TMEM63C: variants seen among roughly 807,000 people sequenced by gnomAD.
TMEM63C encodes transmembrane protein 63C, also known as osmosensitive cation channel TMEM63C.
TMEM63C carries 32 observed loss-of-function variants against 99.2 expected under a neutral mutation model. That is an observed-to-expected ratio of 0.32 (90% CI 0.24 to 0.43). The LOEUF (loss-of-function observed/expected upper bound fraction) is 0.43. Ranked by LOEUF, TMEM63C falls within the 20% of genes least tolerant of loss-of-function variation. TMEM63C has a pLI of 1.00. For synonymous variants in TMEM63C, 376 were observed against 397.9 expected, an observed-to-expected ratio of 0.94 and a Z score of 0.66; for missense variants, 826 against 1,053.0, an observed-to-expected ratio of 0.78 and a Z score of 2.98.
At chr14:77,208,976 C>T (rs1394526543) in intron 1 of TMEM63C, among the ~76,000 whole-genome samples, 1 of 151,590 alleles carries the variant, frequency 6.6e-6, no homozygotes, top group Non-Finnish European at 1.5e-5. Flanking sequence ...GAACTGCAAT[C>T]CTCTCACCCC....
At chr14:77,190,742 C>G (rs974478129) in intron 1 of TMEM63C, among the ~76,000 whole-genome samples, 1 of 152,256 alleles carries the variant, frequency 6.6e-6, no homozygotes, top group Middle Eastern at 3.4e-3. Context: ...GATTTTAACT[C>G]TTACTTCATA....
intron 5 of TMEM63C, among the ~76,000 whole-genome samples, chr14:77,224,499 G>A (rs1594859830): frequency 6.6e-6 from 1 of 152,260 alleles, no homozygotes; most frequent in East Asian, 2.0e-4. Flanking sequence ...GATCCCAGAA[G>A]GAAGCAGGCA....
intron 23 of TMEM63C, among the ~76,000 whole-genome samples, chr14:77,254,945 A>G (rs944534657): frequency 2.0e-5 from 3 of 152,206 alleles, no homozygotes; most frequent in Non-Finnish European, 1.5e-5. Flanking sequence ...TATGATTTAC[A>G]TAGTTTTGCT....
At chr14:77,236,228 G>A (rs1207186504) in intron 8 of TMEM63C, among the ~76,000 whole-genome samples, 1 of 30,290 alleles carries the variant, frequency 3.3e-5, no homozygotes, top group Admixed American at 2.7e-4. Context: ...ACTGTGATGG[G>A]TGGGGGTATG....
chr14:77,198,694 G>A (rs1888248981), intron 1 of TMEM63C, among the ~76,000 whole-genome samples: 1 of 152,216 alleles, frequency 6.6e-6, no homozygotes, highest in Admixed American at 6.5e-5. Context: ...CAGGAAAATA[G>A]TGGTGGTTTT....
intron 1 of TMEM63C, among the ~76,000 whole-genome samples, chr14:77,208,287 A>AACCCCAGCTGCAAG (rs1594853772): frequency 6.6e-6 from 1 of 152,210 alleles, no homozygotes; most frequent in Non-Finnish European, 1.5e-5. Flanking sequence ...TCACCCAGTC[A>AACCCCAGCTGCAAG]GGAGGGCCAT....
At chr14:77,215,781 T>G (rs1200605772) in intron 2 of TMEM63C, among the ~76,000 whole-genome samples, 1 of 152,078 alleles carries the variant, frequency 6.6e-6, no homozygotes, top group African/African-American at 2.4e-5. Flanking sequence ...TGTGCACTAG[T>G]TCCCAAGCCT....
chr14:77,255,109 G>A (rs1023169676), intron 23 of TMEM63C, among the ~76,000 whole-genome samples: 2 of 152,196 alleles, frequency 1.3e-5, no homozygotes, highest in Non-Finnish European at 2.9e-5. Flanking sequence ...TCCTGTCTCA[G>A]CCTCCCGAGT....
intron 9 of TMEM63C, among the ~76,000 whole-genome samples, chr14:77,237,443 G>A (rs189929055): frequency 6.6e-6 from 1 of 152,342 alleles, no homozygotes; most frequent in East Asian, 1.9e-4. Flanking sequence ...GGCCAGTAAG[G>A]GAGTGAGGAT....
Position 77,239,568 on chromosome 14 carries a change from C to G in TMEM63C, c.807-35C>G, listed in dbSNP as rs1194207352. 2.5e-6 allele frequency: 4 copies of G among 1,612,778 alleles called. No individual in the cohort carries two copies. In the East Asian group the frequency reaches 8.9e-5, roughly 36 times the overall value. On this transcript the variant is annotated intron_variant, in intron 11 of 23. Transcript: ENST00000298351. ...GGATGGGGCTCTGCTGGCCCCTGAC[C>G]TGCAGGTCCTTCTCCTGTTGCCCAC... is the stretch of plus-strand genomic sequence containing the variant.
At chr14:77,247,058 C>T (rs1889279658) in intron 18 of TMEM63C, among the ~76,000 whole-genome samples, 2 of 152,120 alleles carry the variant, frequency 1.3e-5, no homozygotes, top group Non-Finnish European at 2.9e-5. Context: ...CTGATTCTGC[C>T]AGTTTTACGT....
At chr14:77,240,664 C>T in intron 13 of TMEM63C, 56 bp downstream of exon 13, 9 of 1,574,404 alleles carry the variant, frequency 5.7e-6, no homozygotes, top group Non-Finnish European at 7.7e-6. Flanking sequence ...CTTCTCGGCA[C>T]TCTCCTCCCT....
chr14:77,224,799 T>C (rs943651092), intron 5 of TMEM63C, among the ~76,000 whole-genome samples: 1 of 152,108 alleles, frequency 6.6e-6, no homozygotes, highest in South Asian at 2.1e-4. Context: ...GAGACCTTCC[T>C]CCTTGCAACA....
intron 6 of TMEM63C, among the ~76,000 whole-genome samples, chr14:77,231,162 G>A (rs1403470301): frequency 1.3e-5 from 2 of 152,204 alleles, no homozygotes; most frequent in Non-Finnish European, 2.9e-5. Flanking sequence ...AGTGTGGAGT[G>A]ATAGCTCATT....
intron 1 of TMEM63C, among the ~76,000 whole-genome samples, chr14:77,184,792 A>G (rs922826902): frequency 2.6e-5 from 4 of 151,894 alleles, no homozygotes; most frequent in Non-Finnish European, 2.9e-5. Context: ...GGCTGGTGCA[A>G]CTCCTGCAAG....
intron 1 of TMEM63C, among the ~76,000 whole-genome samples, chr14:77,185,459 G>A (rs1340380660): frequency 1.3e-5 from 2 of 152,202 alleles, no homozygotes; most frequent in Admixed American, 6.5e-5. Context: ...TGCCCAGCAA[G>A]GTGCATGCTG....
At chr14:77,220,125 G>T in intron 5 of TMEM63C, 38 bp downstream of exon 5, 1 of 1,534,822 alleles carries the variant, frequency 6.5e-7, no homozygotes. Context: ...GGGAGTCCCA[G>T]CACTGGGCAG....
At chr14:77,220,431 A>G (rs1566623061) in intron 5 of TMEM63C, among the ~76,000 whole-genome samples, 1 of 152,148 alleles carries the variant, frequency 6.6e-6, no homozygotes, top group East Asian at 1.9e-4. Context: ...ACTCTGAATC[A>G]AGGCCTCACC....
intron 1 of TMEM63C, among the ~76,000 whole-genome samples, chr14:77,200,011 T>C (rs895388891): frequency 6.6e-6 from 1 of 152,144 alleles, no homozygotes; most frequent in Non-Finnish European, 1.5e-5. Flanking sequence ...GAAGGAGGGA[T>C]CCCTCTCTTC....
Sources: allele counts gnomAD v4.1 joint callset (sites outside exome capture counted in the v4.1 genomes callset), GRCh38; gene constraint gnomAD v4.1.1; transcripts MANE v1.5; gene names NCBI Gene and HGNC (gene_info 2026-07-23, HGNC 2026-07-21).